The following CCSER1 variants were observed in gnomAD, a reference collection of about 807,000 sequenced individuals.
The protein encoded by CCSER1 is serine-rich coiled-coil domain-containing protein 1.
Under a neutral mutation model 82.0 loss-of-function variants are expected in CCSER1, and 41 were observed. The observed-to-expected ratio is 0.50, with a 90% CI of 0.39 to 0.65. The LOEUF (loss-of-function observed/expected upper bound fraction) is 0.65. Among genes scored for constraint, CCSER1 ranks in the 30% least tolerant of loss-of-function variants. CCSER1 has a pLI of 0.00. For missense variants in CCSER1, 1,119 were observed against 1,064.2 expected, an observed-to-expected ratio of 1.05 and a Z score of -0.72; for synonymous variants, 414 against 383.9, an observed-to-expected ratio of 1.08 and a Z score of -0.92.
chr4:91,442,090 A>C (rs541990500), intron 10 of CCSER1, among the ~76,000 whole-genome samples: 42 of 152,164 alleles, frequency 2.8e-4, no homozygotes, highest in Admixed American at 1.4e-3. Flanking sequence ...CAAGCTACCA[A>C]TGACTTTCTT....
At chr4:90,312,667 G>C (rs532207640) in intron 2 of CCSER1, among the ~76,000 whole-genome samples, 196 bp from the exon 3 acceptor site, 1 of 152,228 alleles carries the variant, frequency 6.6e-6, no homozygotes, top group African/African-American at 2.4e-5. Context: ...AGCAACAAAG[G>C]ATGACTCCAA....
chr4:91,002,039 G>T (rs137863725), intron 9 of CCSER1, among the ~76,000 whole-genome samples: 14 of 152,038 alleles, frequency 9.2e-5, no homozygotes, highest in Non-Finnish European at 1.9e-4. Flanking sequence ...TCCAAAATTC[G>T]TGCCTGATAA....
Position 90,893,755 on chromosome 4 carries a change from T to TTGTG in CCSER1, c.2095-29598_2095-29595dup, listed in dbSNP as rs58240569. Among the ~76,000 whole-genome samples, 34 of 144,996 alleles carry TTGTG rather than the reference T, an allele frequency of 2.3e-4. No homozygotes were observed. In the South Asian group the frequency reaches 4.8e-3, roughly 21 times the overall value. On this transcript the variant is annotated intron_variant, in intron 8 of 10. Coordinates refer to ENST00000509176, the MANE Select transcript of CCSER1 (RefSeq NM_001145065.2). ...GACATCTTGTTGAACACCTGAATTC[T>TTGTG]TGTGTGTGTGTGTGTGTGTGCGTGT...
intron 8 of CCSER1, among the ~76,000 whole-genome samples, chr4:90,863,035 C>T (rs1302166371): frequency 2.0e-5 from 3 of 150,200 alleles, no homozygotes; most frequent in Non-Finnish European, 4.4e-5. Context: ...GTGTGCTGCA[C>T]CCATTAACTC....
At chr4:91,462,740 C>T (rs1040891442) in intron 10 of CCSER1, among the ~76,000 whole-genome samples, 1 of 152,178 alleles carries the variant, frequency 6.6e-6, no homozygotes, top group East Asian at 1.9e-4. Context: ...GGGTCCCACA[C>T]CCACGGAGCC....
intron 10 of CCSER1, among the ~76,000 whole-genome samples, chr4:91,591,818 C>A (rs1764284095): frequency 6.6e-6 from 1 of 152,098 alleles, no homozygotes. Flanking sequence ...AAATTGCAGC[C>A]ATACAATATC....
rs185044909 is a variant in CCSER1 at position 90,886,056 on chromosome 4, G to A, written c.2095-37314G>A. ...TTCTCCAGTGACCTCCACTCCCTGAGGTCTCATATCAGGGCAAGTCTTCCT... is the reference window on the plus strand; with the variant it reads ...TTCTCCAGTGACCTCCACTCCCTGAAGTCTCATATCAGGGCAAGTCTTCCT... On this transcript the variant is annotated intron_variant, in intron 8 of 10. Coordinates refer to ENST00000509176, the MANE Select transcript of CCSER1 (RefSeq NM_001145065.2). Among the ~76,000 whole-genome samples the A allele has an allele frequency of 2.3e-3, 348 of 152,154 alleles. 3 individuals are homozygous for A. Among genetic ancestry groups the A allele is most frequent in the African/African-American group, 7.9e-3 (328 of 41,508 alleles).
At chr4:91,598,534 T>G in intron 10 of CCSER1, 38 bp from the exon 11 acceptor site, 1 of 1,508,258 alleles carries the variant, frequency 6.6e-7, no homozygotes, top group African/African-American at 1.4e-5. Context: ...TGAAAGTGTT[T>G]TTTTAAGACA....
At chr4:90,905,725 G>A (rs1725372101) in intron 8 of CCSER1, among the ~76,000 whole-genome samples, 1 of 152,092 alleles carries the variant, frequency 6.6e-6, no homozygotes, top group Non-Finnish European at 1.5e-5. Flanking sequence ...TATGTCATGA[G>A]AGCATTGTGT....
intron 7 of CCSER1, among the ~76,000 whole-genome samples, chr4:90,759,992 TTATAAATGAAG>T (rs1750178385): frequency 6.6e-6 from 1 of 152,084 alleles, no homozygotes; most frequent in African/African-American, 2.4e-5. Flanking sequence ...TTGTAAAATA[TTATAAATGAAG>T]TATAAATATT....
chr4:90,584,450 G>C (rs548490548), intron 5 of CCSER1, among the ~76,000 whole-genome samples: 3 of 152,110 alleles, frequency 2.0e-5, no homozygotes, highest in Non-Finnish European at 4.4e-5. Flanking sequence ...AAGCTTGGGG[G>C]TGAATTTCTC....
At chr4:91,134,213 C>G (rs1728254476) in intron 10 of CCSER1, among the ~76,000 whole-genome samples, 1 of 152,028 alleles carries the variant, frequency 6.6e-6, no homozygotes, top group African/African-American at 2.4e-5. Context: ...GGTAGCATAG[C>G]CAGATGCTGT....
At chr4:91,314,745 T>G (rs1354768947) in intron 10 of CCSER1, among the ~76,000 whole-genome samples, 3 of 152,184 alleles carry the variant, frequency 2.0e-5, no homozygotes, top group African/African-American at 7.2e-5. Context: ...GTTGTTATCT[T>G]TTTTAAATCT....
chr4:90,323,060 G>T (rs564307806), intron 3 of CCSER1, among the ~76,000 whole-genome samples: 1 of 152,210 alleles, frequency 6.6e-6, no homozygotes, highest in Non-Finnish European at 1.5e-5. Flanking sequence ...CCATCCAGGC[G>T]CTGGGGTCTA....
Position 90,353,661 on chromosome 4 carries a change from G to A in CCSER1, c.1509+40614G>A, listed in dbSNP as rs372230503. On this transcript the variant is annotated intron_variant, in intron 3 of 10. Transcript: ENST00000509176. ...TTTTCCTGACTCCAAGCTAGCAACAGAAAACAAGGTAGGCTTATGTCTCCT... is the reference window on the plus strand; with the variant it reads ...TTTTCCTGACTCCAAGCTAGCAACAAAAAACAAGGTAGGCTTATGTCTCCT... 1.2e-4 allele frequency among the ~76,000 whole-genome samples: 19 copies of A among 152,274 alleles called. No homozygotes were observed. In the East Asian group the frequency reaches 3.7e-3, roughly 29 times the overall value.
At chr4:90,708,185 C>T (rs1180441730) in intron 6 of CCSER1, among the ~76,000 whole-genome samples, 1 of 152,172 alleles carries the variant, frequency 6.6e-6, no homozygotes, top group South Asian at 2.1e-4. Flanking sequence ...TTCAGTCTCA[C>T]AAGACTATAT....
intron 10 of CCSER1, among the ~76,000 whole-genome samples, chr4:91,482,947 G>A (rs928215741): frequency 5.3e-5 from 8 of 152,126 alleles, no homozygotes; most frequent in Admixed American, 2.6e-4. Context: ...CCTGTTGTGG[G>A]GTGGGGGGAG....
At chr4:91,059,150 A>T (rs1743713030) in intron 9 of CCSER1, among the ~76,000 whole-genome samples, 1 of 151,898 alleles carries the variant, frequency 6.6e-6, no homozygotes, top group Admixed American at 6.6e-5. Flanking sequence ...CCTTGATAAC[A>T]TACTTTTATT....
intron 10 of CCSER1, among the ~76,000 whole-genome samples, chr4:91,160,512 A>G (rs775351018): frequency 1.1e-4 from 17 of 152,210 alleles, no homozygotes; most frequent in Non-Finnish European, 1.5e-4. Flanking sequence ...AGTCCCACCA[A>G]CAGTGCAAAA....
Sources: allele counts gnomAD v4.1 joint callset (sites outside exome capture counted in the v4.1 genomes callset), GRCh38; gene constraint gnomAD v4.1.1; transcripts MANE v1.5; gene names NCBI Gene and HGNC (gene_info 2026-07-23, HGNC 2026-07-21).